Variants in MEGF6 observed in about 807,000 individuals in gnomAD.
MEGF6 encodes the protein multiple epidermal growth factor-like domains protein 6.
In MEGF6, 184 loss-of-function variants were observed where a neutral mutation model predicts 207.1. The observed-to-expected ratio is 0.89, with a 90% CI of 0.79 to 1.00. The LOEUF (loss-of-function observed/expected upper bound fraction) is 1.00. Ranked by LOEUF, MEGF6 falls within the 50% of genes least tolerant of loss-of-function variation. The pLI is 0.00. For missense variants in MEGF6, 2,282 were observed against 2,202.9 expected, an observed-to-expected ratio of 1.04 and a Z score of -0.72; for synonymous variants, 1,038 against 910.0, an observed-to-expected ratio of 1.14 and a Z score of -2.53.
chr1:3,558,110 C>T (rs1047254425), intron 4 of MEGF6, among the ~76,000 whole-genome samples: 3 of 152,202 alleles, frequency 2.0e-5, no homozygotes, highest in African/African-American at 7.2e-5. Context: ...TTCAGACCCT[C>T]AGCACTCACT....
chr1:3,606,377 T>G (rs573842909), intron 1 of MEGF6, among the ~76,000 whole-genome samples: 10 of 152,376 alleles, frequency 6.6e-5, no homozygotes, highest in African/African-American at 2.4e-4. Context: ...CTCAAGCTTG[T>G]AACCCCAGGC....
At chr1:3,537,659 A>G (rs1387611645) in intron 4 of MEGF6, among the ~76,000 whole-genome samples, 5 of 152,246 alleles carry the variant, frequency 3.3e-5, no homozygotes, top group African/African-American at 1.2e-4. Flanking sequence ...CAGAGGGCAC[A>G]GGCATCACTT....
chr1:3,504,095 C>T (rs1417589659), intron 17 of MEGF6, among the ~76,000 whole-genome samples: 1 of 152,030 alleles, frequency 6.6e-6, no homozygotes, highest in Admixed American at 6.5e-5. Flanking sequence ...CAGAGAGCCC[C>T]CTGGTATGGC....
chr1:3,497,115 G>A lies in MEGF6; in HGVS notation c.3486C>T (p.Cys1162=). 1 of 1,573,890 alleles carries A rather than the reference G, an allele frequency of 6.4e-7. No individual in the cohort carries two copies. The highest frequency in any genetic ancestry group is 8.6e-7 in the Non-Finnish European group (1 of 1,157,386). The part of the protein sequence containing the change: ...GFTGSGCEQA[C]PPGSFGEDCA... ...AGTCCTCCCCAAAGCTGCCGGGTGG[G>A]CAGGCTGGGTGGAGACAGGCAGGGT... is the stretch of plus-strand genomic sequence containing the variant. The change falls in exon 28 of 37, where the codon TGC becomes TGT. Residue 1162 remains cysteine, a synonymous_variant. Coordinates refer to ENST00000356575, the MANE Select transcript of MEGF6 (RefSeq NM_001409.4).
chr1:3,524,030 C>G, intron 5 of MEGF6, 94 bp downstream of exon 5: 1 of 1,434,368 alleles, frequency 7.0e-7, no homozygotes, highest in South Asian at 1.3e-5. Flanking sequence ...TCTCCATGTC[C>G]ACAGCCACCC....
intron 18 of MEGF6, 57 bp downstream of exon 18, chr1:3,501,739 C>T (rs1277244588): frequency 4.4e-6 from 7 of 1,580,200 alleles, no homozygotes; most frequent in African/African-American, 1.4e-5. Flanking sequence ...CAGGGCCCCA[C>T]CAGCTTGGAG....
chr1:3,596,552 G>A lies in MEGF6; in HGVS notation c.267-1105C>T, dbSNP rs1318665456. Among the ~76,000 whole-genome samples, 31 of 22,520 alleles carry A rather than the reference G, an allele frequency of 1.4e-3. No homozygotes were observed. The South Asian group carries it at 0.029, about 21-fold the overall frequency. 14.8% of individuals were successfully genotyped at this position (22,520 alleles called of 152,430 possible). ...CCGCGCCATCCCCTGCCCAGCCCCC[G>A]TCTCCACCCCAGGGCACCCCGCGCC... On this transcript the variant is annotated intron_variant, in intron 2 of 36. Transcript: ENST00000356575.
At chr1:3,502,152 G>A (rs1463781898) in intron 17 of MEGF6, among the ~76,000 whole-genome samples, 1 of 74,190 alleles carries the variant, frequency 1.3e-5, no homozygotes, top group Admixed American at 1.6e-4. Context: ...GCACACCTGG[G>A]GTCCCCAGAG....
At chr1:3,603,757 C>T (rs892547949) in intron 1 of MEGF6, among the ~76,000 whole-genome samples, 1 of 151,918 alleles carries the variant, frequency 6.6e-6, no homozygotes, top group Non-Finnish European at 1.5e-5. Context: ...GCCAGGAGCT[C>T]CTAACCAGCC....
At chr1:3,546,637 G>C (rs1419429736) in intron 4 of MEGF6, among the ~76,000 whole-genome samples, 1 of 147,920 alleles carries the variant, frequency 6.8e-6, no homozygotes, top group East Asian at 2.0e-4. Flanking sequence ...AGGTGGGGTG[G>C]CAATGGGCTG....
intron 4 of MEGF6, among the ~76,000 whole-genome samples, chr1:3,564,423 T>G (rs1365297690): frequency 6.6e-6 from 1 of 152,048 alleles, no homozygotes; most frequent in Admixed American, 6.5e-5. Flanking sequence ...AAGACTGCAT[T>G]GTAAGACCCA....
Position 3,505,531 on chromosome 1 carries a change from C to A in MEGF6, c.1944G>T (p.Pro648=), listed in dbSNP as rs369107442. ...HLTCPPWAFG[P]GCSEECQCVQ... ...CACACTGGCACTCCTCCGAGCAGCC[C>A]GGCCCAAAGGCCCACGGCGGGCAGG... The change falls in exon 16 of 37, where the codon CCG becomes CCT. Residue 648 remains proline, a synonymous_variant. Transcript: ENST00000356575. 6.3e-7 allele frequency: 1 copy of A among 1,594,682 alleles called. No individual in the cohort carries two copies. The highest frequency in any genetic ancestry group is 8.5e-7 in the Non-Finnish European group (1 of 1,172,836).
chr1:3,532,991 C>T (rs759723637), intron 4 of MEGF6, among the ~76,000 whole-genome samples: 7 of 152,200 alleles, frequency 4.6e-5, no homozygotes, highest in African/African-American at 1.4e-4. Context: ...ACTCCAGCCC[C>T]GGCAACTCAG....
intron 1 of MEGF6, among the ~76,000 whole-genome samples, chr1:3,610,283 G>A (rs1488343481): frequency 2.0e-5 from 3 of 152,356 alleles, no homozygotes; most frequent in East Asian, 1.9e-4. Flanking sequence ...GTCCTGCACC[G>A]CCAGGTTTGT....
chr1:3,507,956 C>T (rs1641177520), intron 13 of MEGF6, 33 bp from the exon 14 acceptor site: 1 of 1,598,086 alleles, frequency 6.3e-7, no homozygotes, highest in African/African-American at 1.3e-5. Context: ...GTCAGGGTCA[C>T]CAGCCAGCAC....
intron 4 of MEGF6, among the ~76,000 whole-genome samples, chr1:3,571,304 G>A (rs755180361): frequency 6.6e-6 from 1 of 152,084 alleles, no homozygotes; most frequent in African/African-American, 2.4e-5. Flanking sequence ...TGTAGGACAC[G>A]ACCCCACCAT....
At position 3,541,825 on chromosome 1, in the gene MEGF6, G is replaced by A. The variant is rs563191793; in HGVS notation, c.482-17579C>T. On this transcript the variant is annotated intron_variant, in intron 4 of 36. Coordinates refer to ENST00000356575, the MANE Select transcript of MEGF6 (RefSeq NM_001409.4). ...TCCCGGGCACAGGGGCTCCCTGGGG[G>A]CACCGTGGGGGGAGTCTCTGGTGGT... 4.6e-5 allele frequency among the ~76,000 whole-genome samples: 7 copies of A among 152,242 alleles called. No individual in the cohort carries two copies. The South Asian group carries it at 1.2e-3, about 27-fold the overall frequency.
chr1:3,531,154 T>A (rs1318017472), intron 4 of MEGF6: 5 of 1,526,416 alleles, frequency 3.3e-6, no homozygotes, highest in Admixed American at 2.1e-5. Flanking sequence ...CCTCCAGAGG[T>A]AGCGGTAGTG....
rs72852452 is a variant in MEGF6, at chr1:3,490,238, G to A, written c.*290C>T. On this transcript the variant is annotated 3_prime_UTR_variant, in exon 37 of 37. Transcript: ENST00000356575. ...CCTGTCCTCAGTCCAACTCAGAGCC[G>A]CGGGGAGAGCGGGACTTCCTCAGCC... 1.5e-4 allele frequency: 74 copies of A among 490,018 alleles called. No homozygotes were observed. The highest frequency in any genetic ancestry group is 1.2e-3 in the African/African-American group (58 of 48,970). 30.4% of individuals were successfully genotyped at this position (490,018 alleles called of 1,614,324 possible).
Sources: gnomAD v4.1 joint callset for allele counts (sites outside exome capture counted in the v4.1 genomes callset) on GRCh38, gnomAD v4.1.1 for gene constraint, MANE v1.5 for transcripts, NCBI Gene and HGNC (gene_info 2026-07-23, HGNC 2026-07-21) for gene names.